The following PTPRM variants were observed in gnomAD, a reference collection of about 807,000 sequenced individuals.
PTPRM encodes the protein protein tyrosine phosphatase receptor type M, also known as receptor-type tyrosine-protein phosphatase mu.
A neutral mutation model predicts 186.7 loss-of-function variants in PTPRM; 47 were observed. That is an observed-to-expected ratio of 0.25 (90% confidence interval 0.20 to 0.32). The LOEUF is 0.32. PTPRM is among the 10% of genes least tolerant of loss of function. The pLI is 1.00. For missense variants in PTPRM, 1,494 were observed against 1,865.0 expected, an observed-to-expected ratio of 0.80 and a Z score of 3.66; for synonymous variants, 668 against 674.9, an observed-to-expected ratio of 0.99 and a Z score of 0.16.
intron 3 of PTPRM, among the ~76,000 whole-genome samples, chr18:7,901,457 C>G (rs1353376904): frequency 6.6e-6 from 1 of 152,090 alleles, no homozygotes; most frequent in Non-Finnish European, 1.5e-5. Flanking sequence ...ACCTCTGCCT[C>G]CCGAGTTCAA....
intron 14 of PTPRM, among the ~76,000 whole-genome samples, chr18:8,226,444 G>A (rs995368081): frequency 1.3e-5 from 2 of 152,142 alleles, no homozygotes; most frequent in Non-Finnish European, 2.9e-5. Flanking sequence ...TTCAGAATCA[G>A]ATCTAAAGAT....
At position 7,844,898 on chromosome 18, in the gene PTPRM, C is replaced by T. The variant is rs113531051; in HGVS notation, c.197-43208C>T. Among the ~76,000 whole-genome samples the T allele has an allele frequency of 7.3e-3, 1,109 of 152,278 alleles. 8 individuals are homozygous for T. Among genetic ancestry groups the T allele is most frequent in the African/African-American group, 0.025 (1,051 of 41,566 alleles). ...TCCTATGGATCTCCTGTGAATCTTA[C>T]TGAGGTTCATTTTGTTAGACAAAAT... On this transcript the variant is annotated intron_variant, in intron 2 of 32. Transcript: ENST00000580170.
At chr18:8,090,777 T>G (rs1188671620) in intron 11 of PTPRM, among the ~76,000 whole-genome samples, 2 of 152,160 alleles carry the variant, frequency 1.3e-5, no homozygotes, top group Non-Finnish European at 2.9e-5. Context: ...GTATTTTTAG[T>G]AGAGACAGGG....
chr18:7,914,087 T>C (rs760313843), intron 4 of PTPRM, among the ~76,000 whole-genome samples: 7 of 152,170 alleles, frequency 4.6e-5, no homozygotes, highest in Non-Finnish European at 1.0e-4. Flanking sequence ...TATTAAATAG[T>C]GTGATTGAAA....
chr18:7,771,566 G>T (rs1196230054), intron 1 of PTPRM, among the ~76,000 whole-genome samples: 1 of 152,178 alleles, frequency 6.6e-6, no homozygotes, highest in African/African-American at 2.4e-5. Context: ...TGTATCTTTT[G>T]AGTTGTTTTG....
At chr18:7,810,375 T>C (rs953168658) in intron 2 of PTPRM, among the ~76,000 whole-genome samples, 3 of 152,264 alleles carry the variant, frequency 2.0e-5, no homozygotes, top group Non-Finnish European at 4.4e-5. Flanking sequence ...TGTGTTATGT[T>C]GCTCATTATG....
At chr18:7,573,945 T>C (rs954407219) in intron 1 of PTPRM, among the ~76,000 whole-genome samples, 5 of 152,108 alleles carry the variant, frequency 3.3e-5, no homozygotes, top group Non-Finnish European at 7.3e-5. Flanking sequence ...CAGCATTACA[T>C]TGAAAGTTGT....
At chr18:7,659,415 A>G (rs1172142594) in intron 1 of PTPRM, among the ~76,000 whole-genome samples, 2 of 152,216 alleles carry the variant, frequency 1.3e-5, no homozygotes, top group East Asian at 1.9e-4. Context: ...CATCACCACA[A>G]TTCATTTTCC....
intron 19 of PTPRM, among the ~76,000 whole-genome samples, chr18:8,258,754 A>G (rs1246884668): frequency 1.3e-5 from 2 of 152,154 alleles, no homozygotes; most frequent in African/African-American, 2.4e-5. Flanking sequence ...AAAAACACAG[A>G]TGGTACTATT....
intron 1 of PTPRM, among the ~76,000 whole-genome samples, chr18:7,651,684 A>G (rs1304211108): frequency 6.6e-6 from 1 of 152,122 alleles, no homozygotes; most frequent in Non-Finnish European, 1.5e-5. Flanking sequence ...GGTGCTGGGA[A>G]AACTGGCTAG....
chr18:8,095,442 G>T (rs1316455887), intron 11 of PTPRM, among the ~76,000 whole-genome samples: 1 of 152,074 alleles, frequency 6.6e-6, no homozygotes, highest in African/African-American at 2.4e-5. Context: ...AGAATGAGAA[G>T]TGTGTTATAA....
chr18:8,077,722 A>T (rs1362267771), intron 9 of PTPRM, among the ~76,000 whole-genome samples: 1 of 152,182 alleles, frequency 6.6e-6, no homozygotes, highest in African/African-American at 2.4e-5. Context: ...TTTACCTAGT[A>T]ACAGGATTTT....
Position 7,663,143 on chromosome 18 carries a change from A to G in PTPRM, c.73+95252A>G, listed in dbSNP as rs147983836. Among the ~76,000 whole-genome samples the G allele has an allele frequency of 2.6e-3, 389 of 152,296 alleles. 1 individual carries two copies. Among genetic ancestry groups the G allele is most frequent in the Non-Finnish European group, 3.5e-3 (239 of 68,026 alleles). Reference sequence around the variant, plus strand: ...GGCAAGTCCTGCTTGCACAGTCCTAACTTGGTGCCCTCTCCCCAGAACCCC... The same window carrying G: ...GGCAAGTCCTGCTTGCACAGTCCTAGCTTGGTGCCCTCTCCCCAGAACCCC... On this transcript the variant is annotated intron_variant, in intron 1 of 32. Coordinates refer to ENST00000580170, the MANE Select transcript of PTPRM (RefSeq NM_001105244.2).
Position 8,069,800 on chromosome 18 carries a change from C to G in PTPRM, c.1247C>G (p.Thr416Ser). The part of the protein sequence containing the change: ...NVTRCHSYNL[T>S]VHYCYQVGGQ... ...ACTCGTTGCCACAGTTATAATCTCA[C>G]TGTCCACTACTGTTACCAAGTTGGA... The change falls in exon 8 of 33, where the codon ACT becomes AGT. Residue 416 changes from threonine to serine, a missense_variant. Transcript: ENST00000580170. The G allele has an allele frequency of 1.9e-6, 3 of 1,614,090 alleles. No individual in the cohort carries two copies. Among genetic ancestry groups the G allele is most frequent in the Non-Finnish European group, 1.7e-6 (2 of 1,179,930 alleles).
intron 1 of PTPRM, among the ~76,000 whole-genome samples, chr18:7,578,739 C>G (rs1430354926): frequency 6.6e-6 from 1 of 151,982 alleles, no homozygotes; most frequent in Non-Finnish European, 1.5e-5. Context: ...TCCCAAAGTG[C>G]TGGGATTACA....
intron 30 of PTPRM, among the ~76,000 whole-genome samples, chr18:8,385,300 A>G (rs368879394): frequency 9.8e-5 from 15 of 152,366 alleles, no homozygotes; most frequent in Admixed American, 4.6e-4. Flanking sequence ...TGGTCAAGCA[A>G]AGAATTATTG....
intron 14 of PTPRM, among the ~76,000 whole-genome samples, chr18:8,216,347 A>T (rs941024753): frequency 1.3e-5 from 2 of 152,164 alleles, no homozygotes; most frequent in Admixed American, 6.5e-5. Context: ...TTTGAAAGGG[A>T]TCATGGCATC....
chr18:7,923,834 CAA>C (rs2051012779), intron 4 of PTPRM, among the ~76,000 whole-genome samples: 1 of 152,146 alleles, frequency 6.6e-6, no homozygotes, highest in Admixed American at 6.5e-5. Flanking sequence ...TTCTTTTGCT[CAA>C]ATGTTTTCAC....
At chr18:8,370,118 G>C (rs528027408) in intron 23 of PTPRM, among the ~76,000 whole-genome samples, 17 of 151,652 alleles carry the variant, frequency 1.1e-4, no homozygotes, top group Non-Finnish European at 2.2e-4. Flanking sequence ...AGAGCTTTGA[G>C]GTGGTCACGT....
Sources: allele counts gnomAD v4.1 joint callset (sites outside exome capture counted in the v4.1 genomes callset), GRCh38; gene constraint gnomAD v4.1.1; transcripts MANE v1.5; gene names NCBI Gene and HGNC (gene_info 2026-07-23, HGNC 2026-07-21).